TAB1: variants seen among roughly 807,000 people sequenced by gnomAD.
TAB1 encodes TGF-beta-activated kinase 1 and MAP3K7-binding protein 1.
A neutral mutation model predicts 54.5 loss-of-function variants in TAB1; 30 were observed. The ratio of observed to expected loss-of-function variants is 0.55; its 90% CI spans 0.41 to 0.75. The LOEUF (loss-of-function observed/expected upper bound fraction) is 0.75. Ranked by LOEUF, TAB1 falls within the 30% of genes least tolerant of loss-of-function variation. TAB1 has a pLI of 0.00. For synonymous variants in TAB1, 289 were observed against 286.9 expected, an observed-to-expected ratio of 1.01 and a Z score of -0.07; for missense variants, 609 against 683.2, an observed-to-expected ratio of 0.89 and a Z score of 1.21.
intron 8 of TAB1, among the ~76,000 whole-genome samples, chr22:39,422,803 T>C (rs1383084451): frequency 1.3e-5 from 2 of 152,148 alleles, no homozygotes; most frequent in Non-Finnish European, 2.9e-5. Context: ...TGCTTATTTT[T>C]CTTATACCTT....
intron 1 of TAB1, among the ~76,000 whole-genome samples, chr22:39,407,193 A>G (rs1926402183): frequency 6.6e-6 from 1 of 152,358 alleles, no homozygotes; most frequent in African/African-American, 2.4e-5. Flanking sequence ...ATTTTACATT[A>G]CATAGAGGCT....
downstream of TAB1, chr22:39,433,573 G>T: frequency 8.1e-6 from 8 of 985,432 alleles, no homozygotes; most frequent in Non-Finnish European, 9.6e-6. Context: ...TGAGGGCGCC[G>T]CAGCACCCGT....
In TAB1 at chr22:39,427,045, C is replaced by T. The variant is rs908714034; in HGVS notation, c.1144+120C>T. 4 of 969,790 alleles carry T rather than the reference C, an allele frequency of 4.1e-6. No homozygotes were observed. The African/African-American group carries it at 6.6e-5, about 16-fold the overall frequency. The allele number at this position is 969,790 out of a possible 1,614,324, so 60.1% of individuals were successfully genotyped here. ...AGTCAGGAGGCCTGGCTCTGAGTGG[C>T]TCTAATTCAGGTTCTCTGATTTTTA... On this transcript the variant is annotated intron_variant, in intron 9 of 10. Coordinates refer to ENST00000216160, the MANE Select transcript of TAB1 (RefSeq NM_006116.3).
Position 39,417,868 on chromosome 22 carries a change from C to T in TAB1, c.550+19C>T, listed in dbSNP as rs1343091324. The stretch of plus-strand genomic sequence containing the variant: ...AATGTCGGTGAGCCCCCTCCTGTCC[C>T]AGGGCAGGGAGGACTGGGGAGAGGT... On this transcript the variant is annotated intron_variant, in intron 5 of 10. Transcript: ENST00000216160. 1 of 1,592,436 alleles carries T rather than the reference C, an allele frequency of 6.3e-7. No individual in the cohort carries two copies. The highest frequency in any genetic ancestry group is 1.3e-5 in the African/African-American group (1 of 74,268).
At position 39,420,775 on chromosome 22, in the gene TAB1, C is replaced by G. The variant is rs930676242; in HGVS notation, c.777-1052C>G. On this transcript the variant is annotated intron_variant, in intron 7 of 10. Transcript: ENST00000216160. Reference sequence around the variant, plus strand: ...ATGCACATATACACACACGGTGTCTCTGTGTGTGTGTGTGTGTGTGTGTGT... The same window carrying G: ...ATGCACATATACACACACGGTGTCTGTGTGTGTGTGTGTGTGTGTGTGTGT... 4.4e-3 allele frequency among the ~76,000 whole-genome samples: 316 copies of G among 71,826 alleles called. 3 individuals carry two copies. Among genetic ancestry groups the G allele is most frequent in the Non-Finnish European group, 5.6e-3 (190 of 33,796 alleles). The allele number at this position is 71,826 out of a possible 152,430, so 47.1% of individuals were successfully genotyped here. A position where few individuals can be genotyped will look rare whatever the true frequency, so the allele number is the denominator to read the frequency against.
intron 1 of TAB1, among the ~76,000 whole-genome samples, chr22:39,406,623 A>AT (rs1229862962): frequency 5.3e-5 from 8 of 149,792 alleles, no homozygotes; most frequent in Middle Eastern, 3.4e-3. Context: ...CTCTTTCTTT[A>AT]TTTTTTTTTA....
chr22:39,430,095 G>T lies in TAB1; in HGVS notation c.1388G>T (p.Arg463Leu). ...SSSSSDGGLF[R>L]SRPAHSLPPG... ...TCCAGCTCTGACGGAGGCCTCTTCC[G>T]CTCCCGGCCCGCCCACTCGCTCCCG... Residue 463 changes from arginine (R) to leucine (L), a missense_variant, in exon 11 of 11, where the codon CGC becomes CTC. Coordinates refer to ENST00000216160, the MANE Select transcript of TAB1 (RefSeq NM_006116.3). 1.2e-6 allele frequency: 2 copies of T among 1,613,988 alleles called. No individual in the cohort carries two copies. The highest frequency in any genetic ancestry group is 3.3e-4 in the Middle Eastern group (2 of 6,058).
chr22:39,426,295 A>G (rs746063554), intron 8 of TAB1, among the ~76,000 whole-genome samples: 131 of 152,344 alleles, frequency 8.6e-4, no homozygotes, highest in Non-Finnish European at 1.2e-3. Flanking sequence ...AGTTCCTGAC[A>G]AAATCCTAGC....
rs188845716 is a variant in TAB1 at position 39,402,588 on chromosome 22, T to A, written c.33+2753T>A. Among the ~76,000 whole-genome samples, 676 of 152,304 alleles carry A rather than the reference T, an allele frequency of 4.4e-3. 7 individuals are homozygous for A. The highest frequency in any genetic ancestry group is 0.016 in the African/African-American group (652 of 41,564). The stretch of plus-strand genomic sequence containing the variant: ...GTGTATGGGGAAGACAGGATCTCAC[T>A]GTCACCCAGACTGGAGTGAAGCGGT... On this transcript the variant is annotated intron_variant, in intron 1 of 10. Transcript: ENST00000216160.
intron 5 of TAB1, 119 bp downstream of exon 5, chr22:39,417,968 T>G: frequency 7.6e-7 from 1 of 1,308,226 alleles, no homozygotes; most frequent in Non-Finnish European, 1.0e-6. Flanking sequence ...CAGGGTCTCC[T>G]GAGACCGTTG....
At chr22:39,427,022 T>A in intron 9 of TAB1, 97 bp downstream of exon 9, 4 of 1,190,898 alleles carry the variant, frequency 3.4e-6, no homozygotes, top group Non-Finnish European at 4.7e-6. Context: ...GGAGATGGAG[T>A]CAGGAGGCCT....
chr22:39,429,422 TGTC>T, intron 10 of TAB1: 1 of 943,028 alleles, frequency 1.1e-6, no homozygotes, highest in East Asian at 1.2e-4. Context: ...GGTGCTGTCC[TGTC>T]ACGGCGTCTC....
chr22:39,428,564 T>A (rs1359457779), intron 10 of TAB1, among the ~76,000 whole-genome samples: 1 of 152,154 alleles, frequency 6.6e-6, no homozygotes, highest in South Asian at 2.1e-4. Flanking sequence ...TGTGCTTGAT[T>A]TTAGCTTTGA....
chr22:39,433,139 T>C, downstream of TAB1: 1 of 985,326 alleles, frequency 1.0e-6, no homozygotes, highest in Non-Finnish European at 1.2e-6. Flanking sequence ...CCCCACCTCC[T>C]GCCCACTCAT....
At chr22:39,425,959 G>A (rs1293044382) in intron 8 of TAB1, among the ~76,000 whole-genome samples, 1 of 150,558 alleles carries the variant, frequency 6.6e-6, no homozygotes, top group Non-Finnish European at 1.5e-5. Context: ...CTGGGCTCAA[G>A]CAATTCTCCT....
rs982173024 is a variant in TAB1, at chr22:39,431,320, A to G, written c.*1098A>G. ...GGTGCCACCAGGGCTGTCGGCCAGG[A>G]TTGCCACTCCTGTTTCAGAGGAAGC... On this transcript the variant is annotated 3_prime_UTR_variant, in exon 11 of 11. Transcript: ENST00000216160. 5.7e-5 allele frequency: 56 copies of G among 985,400 alleles called. No individual in the cohort carries two copies. The African/African-American group carries it at 7.7e-4, about 14-fold the overall frequency. 61.0% of individuals were successfully genotyped at this position (985,400 alleles called of 1,614,324 possible). A position where few individuals can be genotyped will look rare whatever the true frequency, so the allele number is the denominator to read the frequency against.
chr22:39,400,926 G>C (rs901488890), intron 1 of TAB1, among the ~76,000 whole-genome samples: 1 of 151,794 alleles, frequency 6.6e-6, no homozygotes, highest in African/African-American at 2.4e-5. Context: ...CCAACTATTC[G>C]GGAGGCTGAG....
rs563327745 is a variant in TAB1, at chr22:39,420,917, T to A, written c.777-910T>A. ...GTGTGTGTGTGTGTGTGTGTGTGTG[T>A]GTGTGTGTGTTTGTCCTGGGGGCCA... is the stretch of plus-strand genomic sequence containing the variant. On this transcript the variant is annotated intron_variant, in intron 7 of 10. Transcript: ENST00000216160. Among the ~76,000 whole-genome samples, 14 of 148,886 alleles carry A rather than the reference T, an allele frequency of 9.4e-5. No individual in the cohort carries two copies. In the East Asian group the frequency reaches 2.8e-3, roughly 30 times the overall value.
At chr22:39,418,097 T>G (rs1049311003) in intron 5 of TAB1, among the ~76,000 whole-genome samples, 13 of 152,056 alleles carry the variant, frequency 8.5e-5, no homozygotes, top group African/African-American at 3.1e-4. Context: ...TCTGGACGAG[T>G]CGTATCCCAT....
Sources: gnomAD v4.1 joint callset for allele counts (sites outside exome capture counted in the v4.1 genomes callset) on GRCh38, gnomAD v4.1.1 for gene constraint, MANE v1.5 for transcripts, NCBI Gene and HGNC (gene_info 2026-07-23, HGNC 2026-07-21) for gene names.